The following HDAC9 variants were observed in gnomAD, a reference collection of about 807,000 sequenced individuals.
HDAC9 encodes the protein MEF-2 interacting transcription repressor (MITR) protein.
HDAC9 carries 41 observed loss-of-function variants against 139.4 expected under a neutral mutation model. The observed-to-expected ratio is 0.29, with a 90% confidence interval of 0.23 to 0.38. The LOEUF is 0.38. Among genes scored for constraint, HDAC9 ranks in the 10% least tolerant of loss-of-function variants. The pLI, the probability that HDAC9 is intolerant of heterozygous loss-of-function variation, is 1.00. For missense variants in HDAC9, 1,147 were observed against 1,297.0 expected, an observed-to-expected ratio of 0.88 and a Z score of 1.78; for synonymous variants, 517 against 476.2, an observed-to-expected ratio of 1.09 and a Z score of -1.12.
At chr7:18,243,830 A>G (rs904683414) in intron 2 of HDAC9, among the ~76,000 whole-genome samples, 1 of 152,236 alleles carries the variant, frequency 6.6e-6, no homozygotes, top group Non-Finnish European at 1.5e-5. Context: ...GGAATGCACC[A>G]GTTTCACAGC....
intron 12 of HDAC9, among the ~76,000 whole-genome samples, chr7:18,683,373 T>G (rs915967841): frequency 6.6e-6 from 1 of 152,074 alleles, no homozygotes; most frequent in Non-Finnish European, 1.5e-5. Flanking sequence ...GATCAAGATC[T>G]TCCAGCTTCT....
At chr7:18,787,007 A>G (rs1431766129) in intron 16 of HDAC9, among the ~76,000 whole-genome samples, 5 of 152,078 alleles carry the variant, frequency 3.3e-5, no homozygotes, top group Non-Finnish European at 5.9e-5. Context: ...TAAGGTCATA[A>G]TTTTTCAAAT....
chr7:18,476,411 C>T (rs1489622282), intron 1 of HDAC9, among the ~76,000 whole-genome samples: 1 of 151,866 alleles, frequency 6.6e-6, no homozygotes. Flanking sequence ...TGTATCATGG[C>T]AGAATATTGA....
chr7:18,724,362 A>T (rs1785367460), intron 12 of HDAC9, among the ~76,000 whole-genome samples: 1 of 152,308 alleles, frequency 6.6e-6, no homozygotes, highest in Middle Eastern at 3.4e-3. Context: ...GCATGTTACT[A>T]TACTGAATAC....
At chr7:18,302,663 T>G (rs949251317) in intron 1 of HDAC9, among the ~76,000 whole-genome samples, 2 of 152,226 alleles carry the variant, frequency 1.3e-5, no homozygotes, top group African/African-American at 4.8e-5. Flanking sequence ...TTTGTTTCAG[T>G]TTCTTCATCT....
chr7:18,642,225 C>T (rs1207517482), intron 8 of HDAC9, among the ~76,000 whole-genome samples: 4 of 151,808 alleles, frequency 2.6e-5, no homozygotes, highest in Non-Finnish European at 5.9e-5. Flanking sequence ...CTTGAAGATC[C>T]TGACATTTAT....
chr7:18,557,149 G>C (rs1819050213), intron 2 of HDAC9, among the ~76,000 whole-genome samples: 1 of 151,892 alleles, frequency 6.6e-6, no homozygotes, highest in Non-Finnish European at 1.5e-5. Flanking sequence ...GCTACTGCAG[G>C]AATTGTATGA....
At chr7:18,748,335 A>C (rs1399342619) in intron 13 of HDAC9, among the ~76,000 whole-genome samples, 1 of 152,218 alleles carries the variant, frequency 6.6e-6, no homozygotes, top group Non-Finnish European at 1.5e-5. Flanking sequence ...AATCTCTAGT[A>C]GTGGCATTGT....
rs374448074 is a variant in HDAC9, at chr7:18,421,943, C to A, written c.-41-74319C>A. Among the ~76,000 whole-genome samples, 11 of 152,142 alleles carry A rather than the reference C, an allele frequency of 7.2e-5. No homozygotes were observed. The East Asian group carries it at 7.7e-4, about 11-fold the overall frequency. On this transcript the variant is annotated intron_variant, in intron 1 of 3. Transcript: ENST00000413509. Reference sequence around the variant, plus strand: ...TGACTCCTAATCTGGGTATATCTTTCGGGCTTGATCATGTTTTTCTGTGAC... The same window carrying A: ...TGACTCCTAATCTGGGTATATCTTTAGGGCTTGATCATGTTTTTCTGTGAC...
chr7:18,670,865 C>CTT (rs371122947), intron 12 of HDAC9, among the ~76,000 whole-genome samples: 59 of 146,230 alleles, frequency 4.0e-4, no homozygotes, highest in African/African-American at 1.2e-3. Flanking sequence ...GATTAGTACT[C>CTT]TTTTTTTTTT....
At chr7:18,388,941 C>G (rs537273505) in intron 1 of HDAC9, among the ~76,000 whole-genome samples, 1 of 152,066 alleles carries the variant, frequency 6.6e-6, no homozygotes, top group Admixed American at 6.5e-5. Context: ...TAATTTTTGT[C>G]TGAACTAACC....
At chr7:18,479,857 TG>T (rs1795406305) in intron 1 of HDAC9, among the ~76,000 whole-genome samples, 2 of 152,066 alleles carry the variant, frequency 1.3e-5, no homozygotes, top group African/African-American at 4.8e-5. Context: ...TACATAATAT[TG>T]AAGTGTGAGA....
intron 2 of HDAC9, among the ~76,000 whole-genome samples, chr7:18,255,073 A>T (rs1795145338): frequency 6.6e-6 from 1 of 152,210 alleles, no homozygotes; most frequent in Admixed American, 6.5e-5. Context: ...ATTTATATCA[A>T]CCTGTTAATG....
chr7:18,912,036 T>G (rs757934121), intron 22 of HDAC9, among the ~76,000 whole-genome samples: 2 of 151,786 alleles, frequency 1.3e-5, no homozygotes, highest in Non-Finnish European at 2.9e-5. Context: ...CCAAAGTTTC[T>G]GTGTGGATTT....
intron 16 of HDAC9, among the ~76,000 whole-genome samples, chr7:18,792,036 GT>G (rs1232202763): frequency 1.3e-5 from 2 of 152,004 alleles, no homozygotes; most frequent in African/African-American, 4.8e-5. Context: ...CTATACTGCT[GT>G]TTATAGGATC....
At chr7:18,550,368 T>C (rs1161305311) in intron 2 of HDAC9, among the ~76,000 whole-genome samples, 1 of 152,226 alleles carries the variant, frequency 6.6e-6, no homozygotes, top group African/African-American at 2.4e-5. Flanking sequence ...TCTGTTCCAT[T>C]CTATGCAATA....
At chr7:18,814,011 G>T (rs1364996950) in intron 17 of HDAC9, among the ~76,000 whole-genome samples, 1 of 152,116 alleles carries the variant, frequency 6.6e-6, no homozygotes, top group Non-Finnish European at 1.5e-5. Context: ...TATGGTAATT[G>T]GATCTGCCTA....
rs2129029726 is a variant in HDAC9, at chr7:18,647,898, T to C, written c.1149T>C (p.His383=). ...GSIPASSSHP[H]VTLEGKPPNS... is the part of the protein sequence containing the mutation. ...TCCCGGCATCTTCCAGCCACCCTCATGTTACTTTAGAGGGAAAGCCACCCA... is the reference window on the plus strand; with the variant it reads ...TCCCGGCATCTTCCAGCCACCCTCACGTTACTTTAGAGGGAAAGCCACCCA... The change falls in exon 10 of 26, where the codon CAT becomes CAC. Residue 383 remains histidine, a synonymous_variant. Transcript: ENST00000686413. The C allele has an allele frequency of 6.2e-7, 1 of 1,612,956 alleles. No homozygotes were observed. Among genetic ancestry groups the C allele is most frequent in the South Asian group, 1.1e-5 (1 of 90,974 alleles).
intron 17 of HDAC9, among the ~76,000 whole-genome samples, chr7:18,810,709 G>A (rs1794107672): frequency 6.6e-6 from 1 of 151,776 alleles, no homozygotes; most frequent in Non-Finnish European, 1.5e-5. Flanking sequence ...ACACTGATCT[G>A]TTTTTTCATC....
Sources: allele counts gnomAD v4.1 joint callset (sites outside exome capture counted in the v4.1 genomes callset), GRCh38; gene constraint gnomAD v4.1.1; transcripts MANE v1.5; gene names NCBI Gene and HGNC (gene_info 2026-07-23, HGNC 2026-07-21).